The following PDGFRA variants were observed in gnomAD, a reference collection of about 807,000 sequenced individuals.
PDGFRA encodes the protein platelet derived growth factor receptor alpha.
A neutral mutation model predicts 121.5 loss-of-function variants in PDGFRA; 25 were observed. That is an observed-to-expected ratio of 0.21 (90% CI 0.15 to 0.29). The LOEUF is 0.29. Ranked by LOEUF, PDGFRA falls within the 10% of genes least tolerant of loss-of-function variation. The probability of loss-of-function intolerance (pLI) is 1.00; values close to 1 mark genes in which losing one functional copy is unlikely to be tolerated. For synonymous variants in PDGFRA, 463 were observed against 494.8 expected, an observed-to-expected ratio of 0.94 and a Z score of 0.85; for missense variants, 1,008 against 1,345.1, an observed-to-expected ratio of 0.75 and a Z score of 3.92.
rs1577726036 is a variant in PDGFRA, at chr4:54,274,547, C to G, written c.1575C>G (p.Leu525=). The part of the protein sequence containing the change: ...KLVAPTLRSE[L]TVAAAVLVLL... The stretch of plus-strand genomic sequence containing the variant: ...GTCACGTAGCCCTGCGTTCTGAACT[C>G]ACGGTGGCTGCTGCAGTCCTGGTGC... Residue 525 remains leucine, a synonymous_variant, in exon 11 of 23, where the codon CTC becomes CTG. Coordinates refer to ENST00000257290, the MANE Select transcript of PDGFRA (RefSeq NM_006206.6). The G allele has an allele frequency of 6.2e-7, 1 of 1,613,530 alleles. No homozygotes were observed.
chr4:54,290,215 T>C, intron 21 of PDGFRA, 98 bp from the exon 22 acceptor site: 1 of 985,928 alleles, frequency 1.0e-6, no homozygotes, highest in Non-Finnish European at 1.6e-6. Flanking sequence ...AGTTTGGAGA[T>C]ATGTACAGTT....
At chr4:54,242,166 G>A (rs1721337885) in intron 1 of PDGFRA, among the ~76,000 whole-genome samples, 1 of 152,198 alleles carries the variant, frequency 6.6e-6, no homozygotes, top group Non-Finnish European at 1.5e-5. Context: ...TCCTGGCTTA[G>A]AGAATGAGAG....
At chr4:54,243,942 C>T (rs1230313388) in intron 1 of PDGFRA, among the ~76,000 whole-genome samples, 1 of 152,218 alleles carries the variant, frequency 6.6e-6, no homozygotes, top group Non-Finnish European at 1.5e-5. Context: ...GGGTCCTACG[C>T]CCACAGAGTC....
chr4:54,246,418 G>C (rs1243393029), intron 1 of PDGFRA, among the ~76,000 whole-genome samples: 11 of 152,210 alleles, frequency 7.2e-5, no homozygotes, highest in Admixed American at 2.0e-4. Flanking sequence ...GAAACTCACT[G>C]AAAACTGCTC....
At chr4:54,265,658 A>AGGAGGGGAGATGGAAGTGGG (rs1192032693) in intron 5 of PDGFRA, among the ~76,000 whole-genome samples, 1 of 152,148 alleles carries the variant, frequency 6.6e-6, no homozygotes, top group Non-Finnish European at 1.5e-5. Context: ...GGAAGAAGGG[A>AGGAGGGGAGATGGAAGTGGG]GGAGGGGAGA....
rs1723456601 is a variant in PDGFRA, at chr4:54,272,454, T to C, written c.1298T>C (p.Val433Ala). 6.2e-7 allele frequency: 1 copy of C among 1,613,936 alleles called. No homozygotes were observed. Among genetic ancestry groups the C allele is most frequent in the Non-Finnish European group, 8.5e-7 (1 of 1,179,896 alleles). Residue 433 changes from valine (V) to alanine (A), a missense_variant, in exon 9 of 23, where the codon GTG becomes GCG. By Grantham distance (64) the Val-to-Ala change is moderately conservative. Around this residue, in one of 5 missense-constraint regions of PDGFRA, gnomAD observed 575 missense variants for 701.8 expected, o/e 0.82. Coordinates refer to ENST00000257290, the MANE Select transcript of PDGFRA (RefSeq NM_006206.6). Reference protein sequence around the residue: ...DHHGSTGGQTVRCTAEGTPLP... With the variant: ...DHHGSTGGQTARCTAEGTPLP... ...CATGGCTCAACTGGGGGACAGACGG[T>C]GAGGTGCACAGCTGAAGGCACGCCG...
Position 54,297,738 on chromosome 4 carries a change from T to C in PDGFRA, c.*2466T>C, listed in dbSNP as rs1724945663. ...AAGTCTCCAGAAGAAAATTTGCCAA[T>C]CTTTCCTACTTTCTATTTTTATGAT... On this transcript the variant is annotated 3_prime_UTR_variant, in exon 23 of 23. Coordinates refer to ENST00000257290, the MANE Select transcript of PDGFRA (RefSeq NM_006206.6). The C allele has an allele frequency of 4.3e-6, 1 of 233,544 alleles. No individual in the cohort carries two copies. Among genetic ancestry groups the C allele is most frequent in the Non-Finnish European group, 8.5e-6 (1 of 118,050 alleles). 14.5% of individuals were successfully genotyped at this position (233,544 alleles called of 1,614,324 possible). A position where few individuals can be genotyped will look rare whatever the true frequency, so the allele number is the denominator to read the frequency against.
rs111638757 is a variant in PDGFRA, at chr4:54,283,795, G to C, written c.2324-1576G>C. On this transcript the variant is annotated intron_variant, in intron 16 of 22. Transcript: ENST00000257290. ...TTTTTTTTTATTTTAAAGAGATGGGGTCTCACTATGTTGTCCAGGCTAGTT... is the reference window on the plus strand; with the variant it reads ...TTTTTTTTTATTTTAAAGAGATGGGCTCTCACTATGTTGTCCAGGCTAGTT... Among the ~76,000 whole-genome samples, 979 of 152,118 alleles carry C rather than the reference G, an allele frequency of 6.4e-3. 10 individuals are homozygous for C. Among genetic ancestry groups the C allele is most frequent in the African/African-American group, 0.022 (930 of 41,494 alleles).
chr4:54,285,242 CTG>C, intron 16 of PDGFRA, 127 bp from the exon 17 acceptor site: 4 of 685,004 alleles, frequency 5.8e-6, no homozygotes, highest in Admixed American at 4.4e-5. Flanking sequence ...TGATATTCAT[CTG>C]TGAGATCTAA....
In PDGFRA at chr4:54,271,979, TCCCCCTCCCCTCCCCCCTCCCC is replaced by T. The variant is rs1560477236; in HGVS notation, c.1238-411_1238-390del. On this transcript the variant is annotated intron_variant, in intron 8 of 22. Coordinates refer to ENST00000257290, the MANE Select transcript of PDGFRA (RefSeq NM_006206.6). ...TTCTCCCCTCCCCTCCCCCCTCCCC[TCCCCCTCCCCTCCCCCCTCCCC>T]CCCTCCCCTCCCCTTCCCTTCCCTT... Among the ~76,000 whole-genome samples the T allele has an allele frequency of 1.8e-3, 2 of 1,114 alleles. 1 individual carries two copies. The highest frequency in any genetic ancestry group is 0.059 in the East Asian group (2 of 34). The allele number at this position is 1,114 out of a possible 152,430, so 0.7% of individuals were successfully genotyped here.
chr4:54,261,746 C>G (rs576306437), intron 3 of PDGFRA, among the ~76,000 whole-genome samples: 96 of 151,542 alleles, frequency 6.3e-4, no homozygotes, highest in African/African-American at 2.0e-3. Flanking sequence ...GTGTTGAGTA[C>G]ACAAAAATTA....
chr4:54,233,921 G>T (rs1301261621), intron 1 of PDGFRA, among the ~76,000 whole-genome samples: 2 of 152,246 alleles, frequency 1.3e-5, no homozygotes, highest in Non-Finnish European at 2.9e-5. Context: ...CCCTCGCCAG[G>T]CTGGTTTATG....
intron 3 of PDGFRA, among the ~76,000 whole-genome samples, chr4:54,261,927 A>ATTTT (rs1179916749): frequency 7.1e-5 from 6 of 84,402 alleles, no homozygotes; most frequent in African/African-American, 2.8e-4. Flanking sequence ...ATATATATAT[A>ATTTT]TATATTTTTT....
chr4:54,271,580 CT>C, intron 8 of PDGFRA, among the ~76,000 whole-genome samples: 1 of 140,258 alleles, frequency 7.1e-6, no homozygotes, highest in East Asian at 2.4e-4. Context: ...CTTCCTTCTT[CT>C]CTCCCTCCCT....
rs56384252 is a variant in PDGFRA at position 54,288,866 on chromosome 4, G to A, written c.2742G>A (p.Arg914=). 6.2e-7 allele frequency: 1 copy of A among 1,613,102 alleles called. No homozygotes were observed. Among genetic ancestry groups the A allele is most frequent in the African/African-American group, 1.3e-5 (1 of 75,020 alleles). ...TFYNKIKSGY[R]MAKPDHATSE... is the part of the protein sequence containing the mutation. ...ACAATAAGATCAAGAGTGGGTACCG[G>A]ATGGCCAAGCCTGACCACGCTACCA... Residue 914 remains arginine (R), a synonymous_variant, in exon 20 of 23, where the codon CGG becomes CGA. Coordinates refer to ENST00000257290, the MANE Select transcript of PDGFRA (RefSeq NM_006206.6).
intron 22 of PDGFRA, among the ~76,000 whole-genome samples, chr4:54,292,050 A>G (rs1321670745): frequency 1.3e-5 from 2 of 152,232 alleles, no homozygotes; most frequent in Admixed American, 1.3e-4. Flanking sequence ...AGAAAAAGAA[A>G]CACTTTTACA....
At chr4:54,281,917 A>G (rs1724099024) in intron 16 of PDGFRA, 2 of 1,158,002 alleles carry the variant, frequency 1.7e-6, no homozygotes, top group Non-Finnish European at 2.1e-6. Flanking sequence ...TTATTAACAA[A>G]TTATAAGCAA....
chr4:54,260,605 A>T (rs1722646572), intron 2 of PDGFRA, among the ~76,000 whole-genome samples: 1 of 151,650 alleles, frequency 6.6e-6, no homozygotes, highest in Non-Finnish European at 1.5e-5. Context: ...ACCAGGTCTC[A>T]CTACGTTGCC....
At chr4:54,281,626 A>G in intron 16 of PDGFRA, 1 of 1,358,340 alleles carries the variant, frequency 7.4e-7, no homozygotes, top group Non-Finnish European at 9.7e-7. Context: ...AACCTGAGTC[A>G]TGCTCAGGCC....
Sources: gnomAD v4.1 joint callset for allele counts (sites outside exome capture counted in the v4.1 genomes callset) on GRCh38, gnomAD v4.1.1 for gene constraint, gnomAD v4.1.1 regional missense constraint, MANE v1.5 for transcripts, NCBI Gene and HGNC (gene_info 2026-07-23, HGNC 2026-07-21) for gene names.